Variants in SNRPA observed in about 807,000 individuals in gnomAD.
The protein encoded by SNRPA is small nuclear ribonucleoprotein polypeptide A, also known as U1 small nuclear ribonucleoprotein A.
A neutral mutation model predicts 24.5 loss-of-function variants in SNRPA; 10 were observed. The observed-to-expected ratio is 0.41, with a 90% CI of 0.25 to 0.69. SNRPA has a LOEUF of 0.69. Among genes scored for constraint, SNRPA ranks in the 30% least tolerant of loss-of-function variants. The pLI is 0.33. For missense variants in SNRPA, 283 were observed against 394.7 expected, an observed-to-expected ratio of 0.72 and a Z score of 2.40; for synonymous variants, 165 against 148.4, an observed-to-expected ratio of 1.11 and a Z score of -0.81.
At chr19:40,758,840 C>T (rs2082919072) in intron 2 of SNRPA, 1 of 152,014 alleles carries the variant, frequency 6.6e-6, no homozygotes, top group Non-Finnish European at 1.5e-5. Flanking sequence ...GATTCTTCTG[C>T]CTCAGCCTCT....
chr19:40,757,147 C>G (rs2082911873), intron 1 of SNRPA, 185 bp from the exon 2 acceptor site: 2 of 602,994 alleles, frequency 3.3e-6, no homozygotes, highest in Non-Finnish European at 5.9e-6. Context: ...GCACATCTTA[C>G]AGAAGAGTAG....
rs2144999662 is a variant in SNRPA at position 40,751,317 on chromosome 19, T to G, written c.-92T>G. ...GACTTCCTTTTCGGAGGAAGATCCT[T>G]GAGCAGCCGACGTTGGGACAAAGGA... On this transcript the variant is annotated 5_prime_UTR_variant, in exon 1 of 6. Transcript: ENST00000243563. 1.0e-6 allele frequency: 1 copy of G among 967,278 alleles called. No individual in the cohort carries two copies. Among genetic ancestry groups the G allele is most frequent in the East Asian group, 2.4e-5 (1 of 41,790 alleles). 59.9% of individuals were successfully genotyped at this position (967,278 alleles called of 1,614,324 possible).
chr19:40,756,517 G>A (rs769112043), intron 1 of SNRPA, among the ~76,000 whole-genome samples: 5 of 151,334 alleles, frequency 3.3e-5, no homozygotes, highest in Non-Finnish European at 5.9e-5. Flanking sequence ...GACCGCTTGA[G>A]TCCGGGAGGT....
chr19:40,764,405 C>G (rs1198232379), intron 5 of SNRPA, among the ~76,000 whole-genome samples: 1 of 152,110 alleles, frequency 6.6e-6, no homozygotes, highest in Admixed American at 6.5e-5. Context: ...GCAGCCTGTC[C>G]ACAAAGCTGT....
intron 1 of SNRPA, among the ~76,000 whole-genome samples, chr19:40,754,293 G>T (rs1240970219): frequency 6.6e-6 from 1 of 151,936 alleles, no homozygotes; most frequent in Non-Finnish European, 1.5e-5. Context: ...AGTAGAGACG[G>T]GGTTTCACCA....
At position 40,765,191 on chromosome 19, in the gene SNRPA, C is replaced by G. The variant is rs2082948847; in HGVS notation, c.*24C>G. 2.0e-6 allele frequency: 3 copies of G among 1,488,620 alleles called. No individual in the cohort carries two copies. Among genetic ancestry groups the G allele is most frequent in the Non-Finnish European group, 2.7e-6 (3 of 1,114,458 alleles). 92.2% of individuals were successfully genotyped at this position (1,488,620 alleles called of 1,614,324 possible). On this transcript the variant is annotated 3_prime_UTR_variant, in exon 6 of 6. Coordinates refer to ENST00000243563, the MANE Select transcript of SNRPA (RefSeq NM_004596.5). ...AGCACCTTTTCCCCCCATGCCTGCC[C>G]CTTCCCCTGTTCTGGGGCCACCCCT... is the stretch of plus-strand genomic sequence containing the variant.
chr19:40,753,115 G>A lies in SNRPA; in HGVS notation c.73+1634G>A, dbSNP rs142761754. Reference sequence around the variant, plus strand: ...CACGCCTGTAATCTCAGCACTTTGGGAGGCTGAGGTGGGCAGATCATTTGA... The same window carrying A: ...CACGCCTGTAATCTCAGCACTTTGGAAGGCTGAGGTGGGCAGATCATTTGA... On this transcript the variant is annotated intron_variant, in intron 1 of 5. Transcript: ENST00000243563. Among the ~76,000 whole-genome samples, 1,252 of 152,254 alleles carry A rather than the reference G, an allele frequency of 8.2e-3. 6 individuals carry two copies. Among genetic ancestry groups the A allele is most frequent in the Non-Finnish European group, 0.012 (850 of 68,030 alleles).
intron 1 of SNRPA, among the ~76,000 whole-genome samples, chr19:40,755,831 G>A (rs952000282): frequency 6.6e-6 from 1 of 152,204 alleles, no homozygotes; most frequent in African/African-American, 2.4e-5. Flanking sequence ...GGAATACGTG[G>A]ACTGGGCTCT....
At chr19:40,754,837 G>C (rs995980005) in intron 1 of SNRPA, among the ~76,000 whole-genome samples, 1 of 152,106 alleles carries the variant, frequency 6.6e-6, no homozygotes, top group Non-Finnish European at 1.5e-5. Context: ...GGGTAAATGC[G>C]AATGGGCGAG....
intron 4 of SNRPA, 92 bp from the exon 5 acceptor site, chr19:40,763,495 A>C: frequency 1.0e-6 from 1 of 983,788 alleles, no homozygotes; most frequent in Non-Finnish European, 1.6e-6. Context: ...AGTGAATTCA[A>C]GCAGGGTGAG....
intron 1 of SNRPA, chr19:40,757,126 G>T: frequency 3.4e-6 from 2 of 580,564 alleles, no homozygotes; most frequent in Non-Finnish European, 6.1e-6. Flanking sequence ...TTATATAGCA[G>T]CTCTCTGTAA....
rs1049335846 is a variant in SNRPA, at chr19:40,751,278, C to T, written c.-131C>T. ...CGCTTTGCCTCCGTCCTTGCCCCTA[C>T]TCCCGCCTTACCTGACTTCCTTTTC... On this transcript the variant is annotated 5_prime_UTR_variant, in exon 1 of 6. Coordinates refer to ENST00000243563, the MANE Select transcript of SNRPA (RefSeq NM_004596.5). 4 of 750,888 alleles carry T rather than the reference C, an allele frequency of 5.3e-6. No individual in the cohort carries two copies. Among genetic ancestry groups the T allele is most frequent in the African/African-American group, 5.1e-5 (3 of 58,354 alleles). The allele number at this position is 750,888 out of a possible 1,614,324, so 46.5% of individuals were successfully genotyped here. A position where few individuals can be genotyped will look rare whatever the true frequency, so the allele number is the denominator to read the frequency against.
In SNRPA at chr19:40,757,415, G is replaced by T. The variant is rs776383821; in HGVS notation, c.157G>T (p.Gly53Cys). 6.2e-7 allele frequency: 1 copy of T among 1,614,046 alleles called. No homozygotes were observed. The highest frequency in any genetic ancestry group is 8.5e-7 in the Non-Finnish European group (1 of 1,179,938). The stretch of plus-strand genomic sequence containing the variant: ...GGTATCACGGAGCCTGAAGATGAGG[G>T]GCCAGGCCTTTGTCATCTTCAAGGA... ...ILVSRSLKMRGQAFVIFKEVS... is the reference protein window; with the variant it reads ...ILVSRSLKMRCQAFVIFKEVS... Residue 53 changes from glycine to cysteine, a missense_variant, in exon 2 of 6, where the codon GGC (glycine) becomes TGC (cysteine). By Grantham distance (159) the Gly-to-Cys change is radical. This residue lies in a region of SNRPA where 18 missense variants were observed against 18.9 expected (regional missense o/e 0.95). Coordinates refer to ENST00000243563, the MANE Select transcript of SNRPA (RefSeq NM_004596.5).
chr19:40,755,853 C>T (rs1417135047), intron 1 of SNRPA, among the ~76,000 whole-genome samples: 1 of 152,192 alleles, frequency 6.6e-6, no homozygotes, highest in Non-Finnish European at 1.5e-5. Flanking sequence ...CCATACGCTT[C>T]CTTATGCCCT....
chr19:40,763,356 T>C, intron 4 of SNRPA: 1 of 604,066 alleles, frequency 1.7e-6, no homozygotes, highest in Non-Finnish European at 3.0e-6. Flanking sequence ...CGTTCTGCAC[T>C]GTAGGGCTGC....
chr19:40,751,232 C>T lies in SNRPA; in HGVS notation c.-177C>T. The T allele has an allele frequency of 3.1e-6, 2 of 644,532 alleles. No homozygotes were observed. The highest frequency in any genetic ancestry group is 5.7e-6 in the Non-Finnish European group (2 of 353,020). The allele number at this position is 644,532 out of a possible 1,614,324, so 39.9% of individuals were successfully genotyped here. ...CCGCACGCGGGCTGGAGAAGCGGGT[C>T]CTACGCACGCTTTGTTGTCGCGCTT... On this transcript the variant is annotated 5_prime_UTR_variant, in exon 1 of 6. Transcript: ENST00000243563.
In SNRPA at chr19:40,759,555, C is replaced by T. The variant is rs764454884; in HGVS notation, c.371C>T (p.Ala124Val). 2.5e-6 allele frequency: 4 copies of T among 1,613,988 alleles called. No individual in the cohort carries two copies. The South Asian group carries it at 4.4e-5, about 18-fold the overall frequency. ...KSQETPATKK[A>V]VQGGGATPVV... ...CAGGAGACCCCGGCCACCAAGAAGG[C>T]TGTGCAAGGCGGGGGAGCCACCCCC... The change falls in exon 3 of 6, where the codon GCT (alanine) becomes GTT (valine). Residue 124 changes from alanine to valine, a missense_variant. By Grantham distance (64) the Ala-to-Val change is moderately conservative. Coordinates refer to ENST00000243563, the MANE Select transcript of SNRPA (RefSeq NM_004596.5).
intron 1 of SNRPA, among the ~76,000 whole-genome samples, chr19:40,755,268 T>C (rs2082903926): frequency 6.8e-6 from 1 of 147,182 alleles, no homozygotes; most frequent in Admixed American, 6.7e-5. Flanking sequence ...TTTTTTTTTT[T>C]TTTTTTTTTT....
At chr19:40,762,840 TG>T in intron 3 of SNRPA, 60 bp from the exon 4 acceptor site, 2 of 1,554,108 alleles carry the variant, frequency 1.3e-6, no homozygotes, top group South Asian at 1.1e-5. Flanking sequence ...TTTCCTTTCA[TG>T]GCCTCTTCTC....
Sources: allele counts gnomAD v4.1 joint callset (sites outside exome capture counted in the v4.1 genomes callset), GRCh38; gene constraint gnomAD v4.1.1; regional missense constraint gnomAD v4.1.1; transcripts MANE v1.5; gene names NCBI Gene and HGNC (gene_info 2026-07-23, HGNC 2026-07-21).